The following ANTXR2 variants were observed in gnomAD, a reference collection of about 807,000 sequenced individuals.
ANTXR2 encodes ANTXR cell adhesion molecule 2.
ANTXR2 carries 44 observed loss-of-function variants against 73.7 expected under a neutral mutation model. That is an observed-to-expected ratio of 0.60 (90% CI 0.47 to 0.77). The LOEUF (loss-of-function observed/expected upper bound fraction) is 0.77. Ranked by LOEUF, ANTXR2 falls within the 30% of genes least tolerant of loss-of-function variation. The pLI is 0.00. For missense variants in ANTXR2, 604 were observed against 592.5 expected (o/e 1.02, Z -0.20); for synonymous variants, 217 against 205.9 (o/e 1.05, Z -0.46).
chr4:79,979,660 G>A (rs1218446432), intron 14 of ANTXR2, among the ~76,000 whole-genome samples: 3 of 152,064 alleles, frequency 2.0e-5, no homozygotes, highest in Non-Finnish European at 4.4e-5. Context: ...TGTTAAAATT[G>A]TTTTAAACAC....
intron 12 of ANTXR2, among the ~76,000 whole-genome samples, chr4:80,007,868 A>G (rs1731382294): frequency 6.6e-6 from 1 of 152,210 alleles, no homozygotes; most frequent in Non-Finnish European, 1.5e-5. Flanking sequence ...GAAAGCTGTG[A>G]TTAGACAGCT....
intron 12 of ANTXR2, among the ~76,000 whole-genome samples, chr4:80,001,091 T>C (rs955297985): frequency 1.3e-5 from 2 of 152,096 alleles, no homozygotes; most frequent in African/African-American, 4.8e-5. Flanking sequence ...GCATATTAAC[T>C]TCAAAGTTAC....
chr4:80,015,282 T>C (rs1421958942), intron 11 of ANTXR2, among the ~76,000 whole-genome samples: 1 of 152,216 alleles, frequency 6.6e-6, no homozygotes, highest in Non-Finnish European at 1.5e-5. Flanking sequence ...AGCATCATTC[T>C]TCCAGCCCAT....
intron 16 of ANTXR2, among the ~76,000 whole-genome samples, chr4:79,953,539 T>C (rs1028219731): frequency 1.3e-5 from 2 of 152,112 alleles, no homozygotes; most frequent in African/African-American, 4.8e-5. Context: ...TCTGAGAGCT[T>C]TGATAATTGA....
intron 16 of ANTXR2, among the ~76,000 whole-genome samples, chr4:79,917,108 G>T (rs536370852): frequency 6.6e-6 from 1 of 152,298 alleles, no homozygotes; most frequent in African/African-American, 2.4e-5. Context: ...GCGGAGGCCT[G>T]CCAAAAGCAT....
chr4:80,068,401 A>C (rs569625100), intron 3 of ANTXR2, among the ~76,000 whole-genome samples: 11 of 152,206 alleles, frequency 7.2e-5, no homozygotes, highest in Non-Finnish European at 1.6e-4. Context: ...ACTGGCTTAC[A>C]TACTCTGTTA....
chr4:79,919,865 T>A (rs6817442), intron 16 of ANTXR2, among the ~76,000 whole-genome samples: 1,831 of 17,346 alleles, frequency 0.11, 317 homozygotes, highest in East Asian at 0.79. Context: ...AATACATATT[T>A]TATATATATA....
chr4:79,937,622 G>C (rs2109969916), intron 16 of ANTXR2, among the ~76,000 whole-genome samples: 1 of 152,272 alleles, frequency 6.6e-6, no homozygotes, highest in South Asian at 2.1e-4. Context: ...AAAATGTTAT[G>C]TGTCACTAAC....
chr4:80,010,182 G>A lies in ANTXR2; in HGVS notation c.946-1566C>T, dbSNP rs184114122. Among the ~76,000 whole-genome samples the A allele has an allele frequency of 2.6e-3, 396 of 152,144 alleles. 4 individuals are homozygous for A. The highest frequency in any genetic ancestry group is 8.9e-3 in the African/African-American group (371 of 41,504). On this transcript the variant is annotated intron_variant, in intron 11 of 16. Transcript: ENST00000403729. ...GTTCTTAGAAAGAACATTCCAAAGTGCATCTTTCTTTACAAAATTCTAAAT... is the reference window on the plus strand; with the variant it reads ...GTTCTTAGAAAGAACATTCCAAAGTACATCTTTCTTTACAAAATTCTAAAT...
intron 3 of ANTXR2, among the ~76,000 whole-genome samples, chr4:80,063,961 C>A (rs181774901): frequency 2.6e-5 from 4 of 152,050 alleles, no homozygotes; most frequent in East Asian, 1.9e-4. Context: ...CTGAAAGGAA[C>A]CTTCTAGACT....
At chr4:79,931,786 G>A (rs1728068832) in intron 16 of ANTXR2, among the ~76,000 whole-genome samples, 2 of 152,168 alleles carry the variant, frequency 1.3e-5, no homozygotes, top group Non-Finnish European at 2.9e-5. Context: ...CATTAATTTA[G>A]ATGGTATTCA....
At chr4:80,039,059 G>A (rs1733111724) in intron 7 of ANTXR2, among the ~76,000 whole-genome samples, 1 of 152,026 alleles carries the variant, frequency 6.6e-6, no homozygotes, top group African/African-American at 2.4e-5. Context: ...ATATTAAAAA[G>A]TCTTATTAAC....
intron 16 of ANTXR2, among the ~76,000 whole-genome samples, chr4:79,928,793 T>G (rs113658300): frequency 6.6e-6 from 1 of 152,214 alleles, no homozygotes; most frequent in Non-Finnish European, 1.5e-5. Flanking sequence ...ATGTGGTCAA[T>G]TCATTTTAAT....
At chr4:80,021,567 G>C (rs1465585471) in intron 10 of ANTXR2, among the ~76,000 whole-genome samples, 1 of 152,072 alleles carries the variant, frequency 6.6e-6, no homozygotes, top group African/African-American at 2.4e-5. Context: ...AAATTCACCA[G>C]AAACGAACAA....
chr4:79,909,972 A>G (rs1727061214), intron 16 of ANTXR2, among the ~76,000 whole-genome samples: 1 of 152,130 alleles, frequency 6.6e-6, no homozygotes, highest in Non-Finnish European at 1.5e-5. Context: ...TCAAATATCT[A>G]AAAGGAAAGA....
rs146214745 is a variant in ANTXR2, at chr4:79,994,160, A to G, written c.1042-9297T>C. The stretch of plus-strand genomic sequence containing the variant: ...TAGCCTTTTTTGCATCAATGACTTA[A>G]TACTCTACTTGTTGTTAAATTAGAC... On this transcript the variant is annotated intron_variant, in intron 12 of 16. Transcript: ENST00000403729. 4.6e-3 allele frequency among the ~76,000 whole-genome samples: 694 copies of G among 152,106 alleles called. 10 individuals are homozygous for G. The highest frequency in any genetic ancestry group is 0.016 in the African/African-American group (659 of 41,522).
chr4:79,977,870 T>C, intron 15 of ANTXR2, 137 bp downstream of exon 15: 2 of 1,226,878 alleles, frequency 1.6e-6, no homozygotes, highest in Non-Finnish European at 2.3e-6. Context: ...CAAGAAAGTA[T>C]TCAGCTGTTA....
intron 16 of ANTXR2, among the ~76,000 whole-genome samples, chr4:79,962,493 G>A (rs1230929352): frequency 6.6e-6 from 1 of 152,120 alleles, no homozygotes; most frequent in Non-Finnish European, 1.5e-5. Context: ...AATATAAAGA[G>A]CGGAAAAGAC....
chr4:80,040,721 T>C (rs968415699), intron 7 of ANTXR2, among the ~76,000 whole-genome samples: 4 of 148,258 alleles, frequency 2.7e-5, no homozygotes, highest in Admixed American at 6.9e-5. Flanking sequence ...ATTTGATATT[T>C]TGGGGGATAT....
Sources: allele counts gnomAD v4.1 joint callset (sites outside exome capture counted in the v4.1 genomes callset), GRCh38; gene constraint gnomAD v4.1.1; transcripts MANE v1.5; gene names NCBI Gene and HGNC (gene_info 2026-07-23, HGNC 2026-07-21).